Variants in METTL16 observed in about 807,000 individuals in gnomAD.
METTL16 encodes the protein methyltransferase 16, RNA N6-adenosine.
In METTL16, 19 loss-of-function variants were observed where a neutral mutation model predicts 57.9. The observed-to-expected ratio is 0.33, with a 90% CI of 0.23 to 0.48. METTL16 has a LOEUF of 0.48. Ranked by LOEUF, METTL16 falls within the 20% of genes least tolerant of loss-of-function variation. METTL16 has a pLI of 0.99. For synonymous variants in METTL16, 246 were observed against 255.6 expected (o/e 0.96, Z 0.36); for missense variants, 434 against 691.5 (o/e 0.63, Z 4.18).
At chr17:2,493,526 C>G (rs1421005837) in intron 2 of METTL16, among the ~76,000 whole-genome samples, 1 of 151,902 alleles carries the variant, frequency 6.6e-6, no homozygotes. Context: ...CGAGACCAGC[C>G]TAACCAACAT....
intron 8 of METTL16, among the ~76,000 whole-genome samples, chr17:2,432,234 GC>G (rs989178007): frequency 6.6e-6 from 1 of 152,196 alleles, no homozygotes; most frequent in Non-Finnish European, 1.5e-5. Context: ...ACAGGTGTGA[GC>G]CACCACGCCC....
chr17:2,425,846 C>T (rs576929215), intron 8 of METTL16, among the ~76,000 whole-genome samples: 1 of 152,070 alleles, frequency 6.6e-6, no homozygotes, highest in Non-Finnish European at 1.5e-5. Context: ...GCCACCATGC[C>T]TAGCTAATTT....
chr17:2,484,223 G>C (rs1318377954), intron 2 of METTL16, among the ~76,000 whole-genome samples: 1 of 152,062 alleles, frequency 6.6e-6, no homozygotes, highest in Admixed American at 6.6e-5. Context: ...GAAAATCAGG[G>C]GTTTCAAAAT....
chr17:2,423,149 G>A (rs2066780337), intron 8 of METTL16, among the ~76,000 whole-genome samples: 1 of 152,068 alleles, frequency 6.6e-6, no homozygotes. Flanking sequence ...CTGATTACTG[G>A]GGGACGTCTT....
chr17:2,502,480 T>A (rs980796391), intron 1 of METTL16, 149 bp from the exon 2 acceptor site: 4 of 610,810 alleles, frequency 6.5e-6, no homozygotes, highest in African/African-American at 5.7e-5. Context: ...GACCATCCCA[T>A]CCTGGCCAAC....
chr17:2,505,436 A>G, intron 1 of METTL16, among the ~76,000 whole-genome samples: 1 of 85,116 alleles, frequency 1.2e-5, no homozygotes, highest in African/African-American at 4.6e-5. Context: ...TTTTTTAGAT[A>G]CATGGTTTCG....
chr17:2,428,602 T>TATATATATGTTAAA lies in METTL16; in HGVS notation c.889-7699_889-7698insTTTAACATATATAT, dbSNP rs376112549. 1.2e-4 allele frequency among the ~76,000 whole-genome samples: 11 copies of TATATATATGTTAAA among 94,990 alleles called. 1 individual carries two copies. Among genetic ancestry groups the TATATATATGTTAAA allele is most frequent in the Non-Finnish European group, 2.1e-4 (11 of 52,278 alleles). The allele number at this position is 94,990 out of a possible 152,430, so 62.3% of individuals were successfully genotyped here. A position where few individuals can be genotyped will look rare whatever the true frequency, so the allele number is the denominator to read the frequency against. On this transcript the variant is annotated intron_variant, in intron 8 of 9. Coordinates refer to ENST00000263092, the MANE Select transcript of METTL16 (RefSeq NM_024086.4). The stretch of plus-strand genomic sequence containing the variant: ...ATATATATATATATATATATATATA[T>TATATATATGTTAAA]AAATTGTAATACAGCGGGGCACAGT...
chr17:2,497,987 G>A (rs947605835), intron 2 of METTL16, among the ~76,000 whole-genome samples: 2 of 151,738 alleles, frequency 1.3e-5, no homozygotes, highest in Non-Finnish European at 2.9e-5. Context: ...GAGGTCAGGA[G>A]ATCGAGACCA....
At chr17:2,450,863 TAATTTCAAGAATTTAAATTTCAAGA>T (rs1177167510) in intron 6 of METTL16, among the ~76,000 whole-genome samples, 1 of 152,174 alleles carries the variant, frequency 6.6e-6, no homozygotes, top group African/African-American at 2.4e-5. Flanking sequence ...TTCAAGAATT[TAATTTCAAGAATTTAAATTTCAAGA>T]AATTTCAAGA....
At chr17:2,459,422 G>A (rs761887350) in intron 6 of METTL16, among the ~76,000 whole-genome samples, 17 of 152,208 alleles carry the variant, frequency 1.1e-4, no homozygotes, top group Non-Finnish European at 2.5e-4. Flanking sequence ...GCATGACAGA[G>A]GTGAGACATG....
chr17:2,433,318 A>G (rs2066887745), intron 8 of METTL16, among the ~76,000 whole-genome samples: 1 of 152,220 alleles, frequency 6.6e-6, no homozygotes. Flanking sequence ...GGGAGTGATT[A>G]GGATGGAAAG....
chr17:2,447,841 G>C (rs1341418516), intron 6 of METTL16, among the ~76,000 whole-genome samples: 24 of 101,772 alleles, frequency 2.4e-4, no homozygotes, highest in Non-Finnish European at 4.3e-4. Context: ...CGCCCCATCC[G>C]GGAGGGAGGT....
At chr17:2,451,936 A>G (rs2067073856) in intron 6 of METTL16, among the ~76,000 whole-genome samples, 1 of 152,052 alleles carries the variant, frequency 6.6e-6, no homozygotes, top group Non-Finnish European at 1.5e-5. Context: ...ACTTGAGCCC[A>G]GGAGTTTGAG....
intron 1 of METTL16, among the ~76,000 whole-genome samples, chr17:2,504,842 G>A (rs566077727): frequency 5.9e-5 from 9 of 152,266 alleles, no homozygotes; most frequent in Admixed American, 1.3e-4. Context: ...AAAGTGCTAC[G>A]ACTACAGACA....
At chr17:2,474,086 A>G (rs957574718) in intron 3 of METTL16, among the ~76,000 whole-genome samples, 4 of 152,114 alleles carry the variant, frequency 2.6e-5, no homozygotes, top group Admixed American at 2.0e-4. Context: ...CGTGTGTTGT[A>G]TAAAAAATGA....
At chr17:2,456,105 C>G (rs943397047) in intron 6 of METTL16, among the ~76,000 whole-genome samples, 4 of 152,086 alleles carry the variant, frequency 2.6e-5, no homozygotes, top group African/African-American at 9.7e-5. Context: ...GCATCTACCC[C>G]CTGTGGAGCT....
chr17:2,455,978 G>A (rs1035298387), intron 6 of METTL16, among the ~76,000 whole-genome samples: 2 of 151,632 alleles, frequency 1.3e-5, no homozygotes, highest in African/African-American at 4.9e-5. Flanking sequence ...GCAAGACCCT[G>A]TCTCGAAAAT....
chr17:2,476,560 C>G (rs996282179), intron 3 of METTL16, among the ~76,000 whole-genome samples: 92 of 152,066 alleles, frequency 6.0e-4, no homozygotes, highest in African/African-American at 2.0e-3. Context: ...CAATAAATGC[C>G]GCTGAAAAGA....
At chr17:2,468,471 T>C (rs1033033289) in intron 4 of METTL16, among the ~76,000 whole-genome samples, 2 of 152,222 alleles carry the variant, frequency 1.3e-5, no homozygotes, top group African/African-American at 4.8e-5. Context: ...CAGATGACTG[T>C]AGCTCTAGCC....
Sources: allele counts gnomAD v4.1 joint callset (sites outside exome capture counted in the v4.1 genomes callset), GRCh38; gene constraint gnomAD v4.1.1; transcripts MANE v1.5; gene names NCBI Gene and HGNC (gene_info 2026-07-23, HGNC 2026-07-21).